Variants in LRRIQ1 observed in about 807,000 individuals in gnomAD.
LRRIQ1 encodes the protein leucine-rich repeat- and IQ domain-containing protein 1.
Under a neutral mutation model 211.9 loss-of-function variants are expected in LRRIQ1, and 210 were observed. The observed-to-expected ratio is 0.99, with a 90% CI of 0.89 to 1.11. LRRIQ1 has a LOEUF of 1.11. Among genes scored for constraint, LRRIQ1 ranks in the 50% most tolerant of loss-of-function variants. The pLI, the probability that LRRIQ1 is intolerant of heterozygous loss-of-function variation, is 0.00. For synonymous variants in LRRIQ1, 699 were observed against 650.1 expected, an observed-to-expected ratio of 1.08 and a Z score of -1.14; for missense variants, 2,136 against 1,939.5, an observed-to-expected ratio of 1.10 and a Z score of -1.90.
At chr12:85,113,072 T>C (rs2136362116) in intron 15 of LRRIQ1, among the ~76,000 whole-genome samples, 1 of 152,270 alleles carries the variant, frequency 6.6e-6, no homozygotes. Context: ...ATGCATATGG[T>C]CAATTCTCAA....
Position 85,152,285 on chromosome 12 carries a change from C to T in LRRIQ1, c.4335C>T (p.Ala1445=). Residue 1445 remains alanine (A), a synonymous_variant, in exon 20 of 27, where the codon GCC becomes GCT. Coordinates refer to ENST00000393217, the MANE Select transcript of LRRIQ1 (RefSeq NM_001079910.2). ...DLEDFIFDEA[A]LEEEWLALDS... ...TTTTAATATTATTTGTGCAGGCTGC[C>T]TTAGAAGAAGAATGGCTAGCATTAG... 1 of 1,607,678 alleles carries T rather than the reference C, an allele frequency of 6.2e-7. No individual in the cohort carries two copies. Among genetic ancestry groups the T allele is most frequent in the Non-Finnish European group, 8.5e-7 (1 of 1,176,746 alleles).
rs181352805 is a variant in LRRIQ1, at chr12:85,057,258, A to G, written c.2391+74A>G. 54 of 1,077,244 alleles carry G rather than the reference A, an allele frequency of 5.0e-5. No homozygotes were observed. In the Admixed American group the frequency reaches 1.5e-3, roughly 30 times the overall value. 66.7% of individuals were successfully genotyped at this position (1,077,244 alleles called of 1,614,324 possible). Reference sequence around the variant, plus strand: ...TTTAAAGTATAACTTTTCAGATCTTAGAAAAAGAAATATTTTGTATACAAG... The same window carrying G: ...TTTAAAGTATAACTTTTCAGATCTTGGAAAAAGAAATATTTTGTATACAAG... On this transcript the variant is annotated intron_variant, in intron 8 of 26. Transcript: ENST00000393217.
chr12:85,192,929 A>T lies in LRRIQ1; in HGVS notation c.4822+32215A>T, dbSNP rs1229194835. On this transcript the variant is annotated intron_variant, in intron 24 of 26. Coordinates refer to ENST00000393217, the MANE Select transcript of LRRIQ1 (RefSeq NM_001079910.2). ...ATTATACATAAATATATAATTATATAATATAATTATATATAAATATATAAT... is the reference window on the plus strand; with the variant it reads ...ATTATACATAAATATATAATTATATTATATAATTATATATAAATATATAAT... Among the ~76,000 whole-genome samples the T allele has an allele frequency of 5.1e-3, 475 of 93,976 alleles. 2 individuals are homozygous for T. Among genetic ancestry groups the T allele is most frequent in the Non-Finnish European group, 7.5e-3 (402 of 53,918 alleles). 61.7% of individuals were successfully genotyped at this position (93,976 alleles called of 152,430 possible).
rs549334348 is a variant in LRRIQ1 at position 85,047,040 on chromosome 12, A to G, written c.455-207A>G. Among the ~76,000 whole-genome samples the G allele has an allele frequency of 4.3e-3, 650 of 152,014 alleles. 4 individuals carry two copies. Among genetic ancestry groups the G allele is most frequent in the Non-Finnish European group, 7.0e-3 (474 of 67,984 alleles). On this transcript the variant is annotated intron_variant, in intron 5 of 26. Coordinates refer to ENST00000393217, the MANE Select transcript of LRRIQ1 (RefSeq NM_001079910.2). ...GGGGGGAGGGACAGCATTAGGAGAT[A>G]TACCTAATGTAAATGATGAGTTAAT...
intron 24 of LRRIQ1, among the ~76,000 whole-genome samples, chr12:85,171,368 C>T (rs1290576926): frequency 2.0e-5 from 3 of 151,850 alleles, no homozygotes; most frequent in South Asian, 2.1e-4. Context: ...TGAATATTTA[C>T]CAAAAGTGAA....
Position 85,110,793 on chromosome 12 carries a change from CTGTT to C in LRRIQ1, c.3377+4181_3377+4184del, listed in dbSNP as rs571056586. Among the ~76,000 whole-genome samples, 109 of 152,174 alleles carry C rather than the reference CTGTT, an allele frequency of 7.2e-4. 1 individual carries two copies. In the South Asian group the frequency reaches 0.011, roughly 16 times the overall value. On this transcript the variant is annotated intron_variant, in intron 15 of 26. Coordinates refer to ENST00000393217, the MANE Select transcript of LRRIQ1 (RefSeq NM_001079910.2). ...AAGGAAGGTCAGATGTAGCTAGACTCTGTTTGAAGCTAGTCTATTCAGATGTAAA... is the reference window on the plus strand; with the variant it reads ...AAGGAAGGTCAGATGTAGCTAGACTCTGAAGCTAGTCTATTCAGATGTAAA...
chr12:85,185,505 CATA>C (rs1159928666), intron 24 of LRRIQ1, among the ~76,000 whole-genome samples: 6 of 151,296 alleles, frequency 4.0e-5, no homozygotes, highest in East Asian at 1.9e-4. Flanking sequence ...AAATTTATAC[CATA>C]ATAATAAAGT....
At chr12:85,091,926 G>C (rs985053289) in intron 11 of LRRIQ1, among the ~76,000 whole-genome samples, 4 of 152,156 alleles carry the variant, frequency 2.6e-5, no homozygotes, top group African/African-American at 9.7e-5. Context: ...ATGAGTGGTA[G>C]GCAAGTGAGT....
downstream of LRRIQ1, among the ~76,000 whole-genome samples, chr12:85,267,949 G>A (rs1197390385): frequency 6.6e-6 from 1 of 151,950 alleles, no homozygotes; most frequent in Non-Finnish European, 1.5e-5. Context: ...ATAGCGTCAA[G>A]TGAGAAAGTA....
At position 85,177,109 on chromosome 12, in the gene LRRIQ1, G is replaced by C. The variant is rs139726878; in HGVS notation, c.4822+16395G>C. Among the ~76,000 whole-genome samples the C allele has an allele frequency of 1.1e-3, 170 of 152,180 alleles. 4 individuals carry two copies. The East Asian group carries it at 0.032, about 28-fold the overall frequency. ...AATATACACCACATAAAGTCACTGG[G>C]TAAATTGAATAAAAATGTATAAAAT... is the stretch of plus-strand genomic sequence containing the variant. On this transcript the variant is annotated intron_variant, in intron 24 of 26. Coordinates refer to ENST00000393217, the MANE Select transcript of LRRIQ1 (RefSeq NM_001079910.2).
intron 26 of LRRIQ1, among the ~76,000 whole-genome samples, chr12:85,239,894 C>T (rs1273795243): frequency 1.3e-5 from 2 of 152,040 alleles, no homozygotes; most frequent in Non-Finnish European, 2.9e-5. Flanking sequence ...ACAAGAATCC[C>T]TTGAACCGGG....
intron 15 of LRRIQ1, among the ~76,000 whole-genome samples, chr12:85,108,372 C>A (rs1886932478): frequency 6.6e-6 from 1 of 152,068 alleles, no homozygotes; most frequent in Non-Finnish European, 1.5e-5. Flanking sequence ...AAGAAATCCT[C>A]CCACCTCAGT....
intron 19 of LRRIQ1, among the ~76,000 whole-genome samples, chr12:85,147,849 A>G (rs2136636715): frequency 6.6e-6 from 1 of 151,822 alleles, no homozygotes; most frequent in East Asian, 2.0e-4. Flanking sequence ...CAAAATGGGA[A>G]TTATCAAGCC....
chr12:85,059,751 G>C (rs1206780848), intron 8 of LRRIQ1, among the ~76,000 whole-genome samples: 1 of 151,918 alleles, frequency 6.6e-6, no homozygotes, highest in Non-Finnish European at 1.5e-5. Flanking sequence ...AGGACGGGTT[G>C]ATGGGTGCAG....
chr12:85,266,601 G>A (rs117411800), downstream of LRRIQ1, among the ~76,000 whole-genome samples: 252 of 152,182 alleles, frequency 1.7e-3, no homozygotes, highest in Non-Finnish European at 3.1e-3. Flanking sequence ...CAGAGCAAGG[G>A]AGCAAGTAAG....
rs141629730 is a variant in LRRIQ1, at chr12:85,211,898, A to C, written c.4823-17619A>C. On this transcript the variant is annotated intron_variant, in intron 24 of 26. Transcript: ENST00000393217. ...TATCATTTCTTCTACTAAATTAAGAATCATTCAGTTGTATGTGGTCCTTTG... is the reference window on the plus strand; with the variant it reads ...TATCATTTCTTCTACTAAATTAAGACTCATTCAGTTGTATGTGGTCCTTTG... 7.3e-3 allele frequency among the ~76,000 whole-genome samples: 1,113 copies of C among 152,264 alleles called. 20 individuals carry two copies. Among genetic ancestry groups the C allele is most frequent in the African/African-American group, 0.025 (1,055 of 41,546 alleles).
At chr12:85,144,764 T>C (rs1889776161) in intron 19 of LRRIQ1, among the ~76,000 whole-genome samples, 2 of 151,640 alleles carry the variant, frequency 1.3e-5, no homozygotes, top group Admixed American at 1.3e-4. Context: ...ATGTTATTAT[T>C]GGGTTTCAAG....
At chr12:85,147,687 T>C (rs1253102712) in intron 19 of LRRIQ1, among the ~76,000 whole-genome samples, 1 of 149,394 alleles carries the variant, frequency 6.7e-6, no homozygotes, top group African/African-American at 2.5e-5. Flanking sequence ...GAGATGAGTA[T>C]TCCCTGAGAT....
intron 5 of LRRIQ1, among the ~76,000 whole-genome samples, chr12:85,047,029 C>T (rs1270030539): frequency 6.6e-6 from 1 of 151,498 alleles, no homozygotes; most frequent in Admixed American, 6.6e-5. Context: ...GGAGGGACAG[C>T]ATTAGGAGAT....
Sources: allele counts gnomAD v4.1 joint callset (sites outside exome capture counted in the v4.1 genomes callset), GRCh38; gene constraint gnomAD v4.1.1; transcripts MANE v1.5; gene names NCBI Gene and HGNC (gene_info 2026-07-23, HGNC 2026-07-21).